SLC71A2: variants seen among roughly 807,000 people sequenced by gnomAD.
The protein encoded by SLC71A2 is solute carrier family 71 member 2.
chr9:94,435,906 C>T, the SLC71A2 span, among the ~76,000 whole-genome samples: 2 of 152,200 alleles, frequency 1.3e-5, no homozygotes, highest in Non-Finnish European at 2.9e-5. Context: ...CCGCCTCAAC[C>T]TCCCAGAGTG....
At chr9:94,408,830 TG>T in the SLC71A2 span, among the ~76,000 whole-genome samples, 12,574 of 136,164 alleles carry the variant, frequency 0.092, 1,197 homozygotes, top group African/African-American at 0.16. Flanking sequence ...TTTTTTTGTT[TG>T]TTTGTTTTTT....
At chr9:94,399,046 C>A in the SLC71A2 span, among the ~76,000 whole-genome samples, 1 of 151,756 alleles carries the variant, frequency 6.6e-6, no homozygotes, top group African/African-American at 2.4e-5. Context: ...GAACTCCTGA[C>A]TTCAGGTGAT....
At chr9:94,416,883 C>G in the SLC71A2 span, among the ~76,000 whole-genome samples, 1 of 151,334 alleles carries the variant, frequency 6.6e-6, no homozygotes, top group African/African-American at 2.4e-5. Context: ...CAGTTTTATT[C>G]ATTAAAATTA....
At chr9:94,417,858 ACCCCCCCCCCCC>A in the SLC71A2 span, among the ~76,000 whole-genome samples, 1 of 60,476 alleles carries the variant, frequency 1.7e-5, no homozygotes, top group Non-Finnish European at 3.5e-5. Context: ...TTCCCACCCC[ACCCCCCCCCCCC>A]CCCCCCGACA....
At chr9:94,405,478 G>A in the SLC71A2 span, among the ~76,000 whole-genome samples, 1 of 142,240 alleles carries the variant, frequency 7.0e-6, no homozygotes, top group Admixed American at 7.3e-5. Context: ...CAGCCTGGGC[G>A]ACAGAGCGAG....
At chr9:94,419,472 T>G in the SLC71A2 span, among the ~76,000 whole-genome samples, 1 of 151,812 alleles carries the variant, frequency 6.6e-6, no homozygotes, top group Non-Finnish European at 1.5e-5. Context: ...TTTTTTTGTT[T>G]TGTTTTGTAT....
the SLC71A2 span, among the ~76,000 whole-genome samples, chr9:94,455,156 C>CTTTT: frequency 1.5e-3 from 41 of 27,672 alleles, 3 homozygotes; most frequent in African/African-American, 2.3e-3. Flanking sequence ...TTGCTCTTTC[C>CTTTT]TTTTTTTTTT....
the SLC71A2 span, chr9:94,459,465 A>G: frequency 2.5e-6 from 4 of 1,599,848 alleles, no homozygotes; most frequent in Non-Finnish European, 3.4e-6. Context: ...CCATGGAGGG[A>G]GCCACACCCC....
At chr9:94,447,359 T>C in the SLC71A2 span, among the ~76,000 whole-genome samples, 1 of 151,976 alleles carries the variant, frequency 6.6e-6, no homozygotes, top group East Asian at 1.9e-4. Flanking sequence ...TTTGTATTTT[T>C]AGTAGAGACA....
the SLC71A2 span, chr9:94,438,659 A>G: frequency 2.0e-5 from 16 of 807,560 alleles, no homozygotes; most frequent in South Asian, 2.9e-4. Flanking sequence ...CTCTCTGGTA[A>G]TACTGAAAAC....
the SLC71A2 span, among the ~76,000 whole-genome samples, chr9:94,401,501 A>G: frequency 8.0e-4 from 121 of 151,986 alleles, no homozygotes; most frequent in African/African-American, 2.8e-3. Flanking sequence ...CATATTTGCC[A>G]TCTGTATATC....
chr9:94,393,777 T>C, the SLC71A2 span, among the ~76,000 whole-genome samples: 2 of 139,094 alleles, frequency 1.4e-5, no homozygotes, highest in African/African-American at 2.6e-5. Flanking sequence ...GCTGCTGTTA[T>C]AGGATAATTA....
At chr9:94,456,461 A>G in the SLC71A2 span, 3 of 667,688 alleles carry the variant, frequency 4.5e-6, no homozygotes, top group Non-Finnish European at 8.1e-6. Flanking sequence ...CCCTTTTATC[A>G]TACCTATTTA....
the SLC71A2 span, among the ~76,000 whole-genome samples, chr9:94,377,977 G>A: frequency 1.3e-5 from 2 of 151,960 alleles, no homozygotes; most frequent in East Asian, 1.9e-4. Context: ...GGTGGCAGGC[G>A]CCTGTAGTCC....
At chr9:94,451,590 A>T in the SLC71A2 span, 2 of 839,076 alleles carry the variant, frequency 2.4e-6, no homozygotes, top group Non-Finnish European at 3.7e-6. Flanking sequence ...ATAGTTTCAC[A>T]GGAAGCCACA....
chr9:94,458,450 A>G, the SLC71A2 span: 1 of 1,613,908 alleles, frequency 6.2e-7, no homozygotes, highest in Non-Finnish European at 8.5e-7. Context: ...GAATTCTAAC[A>G]ACGTTCCCCT....
At chr9:94,437,616 T>G in the SLC71A2 span, among the ~76,000 whole-genome samples, 1 of 151,922 alleles carries the variant, frequency 6.6e-6, no homozygotes, top group Admixed American at 6.6e-5. Flanking sequence ...CTTTTGATCA[T>G]TAAGCATATG....
chr9:94,378,484 C>G, the SLC71A2 span, among the ~76,000 whole-genome samples: 1 of 151,770 alleles, frequency 6.6e-6, no homozygotes, highest in East Asian at 2.0e-4. Context: ...AAAAATTAGC[C>G]GGGTGTGATG....
the SLC71A2 span, among the ~76,000 whole-genome samples, chr9:94,402,914 T>C: frequency 1.3e-5 from 2 of 152,298 alleles, no homozygotes; most frequent in South Asian, 2.1e-4. Context: ...TTTTTAAAGT[T>C]TCAGTTCAAT....
Sources: gnomAD v4.1 joint callset for allele counts (sites outside exome capture counted in the v4.1 genomes callset) on GRCh38, gnomAD v4.1.1 for gene constraint, MANE v1.5 for transcripts, NCBI Gene and HGNC (gene_info 2026-07-23, HGNC 2026-07-21) for gene names.